COL9A3: variants seen among roughly 807,000 people sequenced by gnomAD.
The protein encoded by COL9A3 is collagen alpha-3(IX) chain.
In COL9A3, 82 loss-of-function variants were observed where a neutral mutation model predicts 110.2. The ratio of observed to expected loss-of-function variants is 0.74; its 90% CI spans 0.62 to 0.89. The LOEUF (loss-of-function observed/expected upper bound fraction) is 0.89, where lower values mean the gene tolerates loss of function less well. COL9A3 is among the 40% of genes least tolerant of loss of function. The pLI, the probability that COL9A3 is intolerant of heterozygous loss-of-function variation, is 0.00. For missense variants in COL9A3, 1,066 were observed against 981.3 expected (o/e 1.09, Z -1.15); for synonymous variants, 494 against 403.8 (o/e 1.22, Z -2.68).
At chr20:62,829,380 G>T in intron 19 of COL9A3, 75 bp from the exon 20 acceptor site, 1 of 1,590,968 alleles carries the variant, frequency 6.3e-7, no homozygotes, top group Non-Finnish European at 8.6e-7. Context: ...CACCCTGCCT[G>T]CGTGCACGCC....
In COL9A3 at chr20:62,840,729, A is replaced by G. The variant is rs370901763; in HGVS notation, c.2052A>G (p.Ser684=). The stretch of plus-strand genomic sequence containing the variant: ...GGGAGAAATCAGGCTCTCGAAGCTC[A>G]TAAAATTCAACGTGAGGAAGCAAGT... The part of the protein sequence containing the change: ...GVGEKSGSRS[S] Residue 684 remains serine (S), a synonymous_variant, in exon 32 of 32, where the codon TCA becomes TCG. Transcript: ENST00000649368. The G allele has an allele frequency of 7.0e-6, 11 of 1,564,648 alleles. No individual in the cohort carries two copies. Among genetic ancestry groups the G allele is most frequent in the Non-Finnish European group, 9.5e-6 (11 of 1,153,644 alleles).
rs148246522 is a variant in COL9A3, at chr20:62,825,844, G to A, written c.658G>A (p.Gly220Ser). ...KGDPGPPGPA[G>S]LPGSVGLQGP... ...TGACCCTGGCCCCCCTGGGCCCGCCGGCCTCCCGGGCAGCGTGGGGCTGCA... is the reference window on the plus strand; with the variant it reads ...TGACCCTGGCCCCCCTGGGCCCGCCAGCCTCCCGGGCAGCGTGGGGCTGCA... The change falls in exon 13 of 32, where the codon GGC (glycine) becomes AGC (serine). Residue 220 changes from glycine (G) to serine (S), a missense_variant. Transcript: ENST00000649368. 53 of 1,558,126 alleles carry A rather than the reference G, an allele frequency of 3.4e-5. No homozygotes were observed. The highest frequency in any genetic ancestry group is 2.4e-4 in the South Asian group (20 of 84,618).
intron 2 of COL9A3, among the ~76,000 whole-genome samples, chr20:62,818,245 G>GC (rs1289818405): frequency 1.3e-5 from 2 of 152,276 alleles, no homozygotes; most frequent in African/African-American, 4.8e-5. Context: ...TGCACCAAGA[G>GC]CCCCCCATGA....
chr20:62,821,354 T>C (rs1457353727), intron 6 of COL9A3, 138 bp downstream of exon 6: 9 of 1,334,678 alleles, frequency 6.7e-6, no homozygotes, highest in Non-Finnish European at 9.5e-6. Flanking sequence ...GGCTGGTGCC[T>C]GGATGGGGTC....
Position 62,821,952 on chromosome 20 carries a change from G to C in COL9A3, c.423+142G>C, listed in dbSNP as rs958808183. On this transcript the variant is annotated intron_variant, in intron 8 of 31. Transcript: ENST00000649368. ...TTGGTGGGTGTTGGTAGAAGCCCTGGCCAATGATCCAGACCCGACCTCAGG... is the reference window on the plus strand; with the variant it reads ...TTGGTGGGTGTTGGTAGAAGCCCTGCCCAATGATCCAGACCCGACCTCAGG... 5.3e-6 allele frequency: 4 copies of C among 752,362 alleles called. No individual in the cohort carries two copies. In the Admixed American group the frequency reaches 8.0e-5, roughly 15 times the overall value. 46.6% of individuals were successfully genotyped at this position (752,362 alleles called of 1,614,324 possible).
Position 62,817,136 on chromosome 20 carries a change from G to T in COL9A3, c.72G>T (p.Gly24=). Residue 24 remains glycine, a synonymous_variant, in exon 1 of 32, where the codon GGG becomes GGT. Transcript: ENST00000649368. ...TCGGGGAGCTTCTGGCGGCCGCCGG[G>T]GCGCAGGTGAGCGCGAGCTCCGGGC... is the stretch of plus-strand genomic sequence containing the variant. ...LLLGELLAAA[G]AQRVGLPGPP... is the part of the protein sequence containing the mutation. The T allele has an allele frequency of 7.2e-7, 1 of 1,396,554 alleles. No individual in the cohort carries two copies. Among genetic ancestry groups the T allele is most frequent in the South Asian group, 1.4e-5 (1 of 70,972 alleles). The allele number at this position is 1,396,554 out of a possible 1,614,324, so 86.5% of individuals were successfully genotyped here. A position where few individuals can be genotyped will look rare whatever the true frequency, so the allele number is the denominator to read the frequency against.
intron 31 of COL9A3, 84 bp from the exon 32 acceptor site, chr20:62,840,458 C>A: frequency 7.9e-7 from 1 of 1,271,236 alleles, no homozygotes; most frequent in Non-Finnish European, 1.1e-6. Context: ...GATGGAAGAG[C>A]AGGGCTTGCC....
At chr20:62,832,067 A>G in intron 24 of COL9A3, 87 bp from the exon 25 acceptor site, 1 of 1,232,688 alleles carries the variant, frequency 8.1e-7, no homozygotes, top group Non-Finnish European at 1.2e-6. Context: ...AGATGTGGGG[A>G]GGTGTTTACC....
intron 26 of COL9A3, among the ~76,000 whole-genome samples, chr20:62,833,630 C>G (rs926830834): frequency 4.6e-5 from 7 of 151,962 alleles, no homozygotes; most frequent in African/African-American, 1.7e-4. Context: ...GTCTCCATCT[C>G]CTGACCTCGT....
At chr20:62,836,378 C>G (rs370472311) in intron 28 of COL9A3, 45 bp downstream of exon 28, 2 of 1,613,960 alleles carry the variant, frequency 1.2e-6, no homozygotes, top group Admixed American at 1.7e-5. Flanking sequence ...GGGTTGAGAT[C>G]GTGTTTTTTC....
chr20:62,828,583 G>A (rs1393918637), intron 17 of COL9A3, among the ~76,000 whole-genome samples, 181 bp from the exon 18 acceptor site: 2 of 152,238 alleles, frequency 1.3e-5, no homozygotes, highest in African/African-American at 2.4e-5. Flanking sequence ...TCACCTGTGC[G>A]GTCACCGAGG....
intron 18 of COL9A3, 32 bp from the exon 19 acceptor site, chr20:62,828,891 C>A (rs1481019156): frequency 6.2e-7 from 1 of 1,612,460 alleles, no homozygotes; most frequent in Non-Finnish European, 8.5e-7. Context: ...GCCTCAGCCT[C>A]CCCTTCCGCA....
intron 26 of COL9A3, 87 bp from the exon 27 acceptor site, chr20:62,835,834 T>G (rs975906305): frequency 2.2e-6 from 3 of 1,339,664 alleles, no homozygotes; most frequent in African/African-American, 1.4e-5. Context: ...GGTGTGTGGA[T>G]GATTTGATTT....
rs753244895 is a variant in COL9A3 at position 62,828,933 on chromosome 20, G to T, written c.965G>T (p.Gly322Val). The T allele has an allele frequency of 3.1e-6, 5 of 1,611,794 alleles. 1 individual carries two copies. In the Admixed American group the frequency reaches 5.0e-5, roughly 16 times the overall value. ...PGLDGQKGEAGRNGAPGEKGP... is the reference protein window; with the variant it reads ...PGLDGQKGEAVRNGAPGEKGP... ...TCTCTGTCCTCACAGGGAGAGGCTG[G>T]TCGCAACGGTGCTCCGGGAGAGAAG... The change falls in exon 19 of 32, where the codon GGT becomes GTT. Residue 322 changes from glycine to valine, a missense_variant. Physicochemically the swap from Gly to Val is moderately radical, Grantham distance 109 (BLOSUM62 -3). Coordinates refer to ENST00000649368, the MANE Select transcript of COL9A3 (RefSeq NM_001853.4).
intron 24 of COL9A3, 29 bp from the exon 25 acceptor site, chr20:62,832,125 C>G: frequency 1.9e-6 from 3 of 1,610,302 alleles, no homozygotes; most frequent in South Asian, 1.1e-5. Context: ...TGCCATTCCT[C>G]TAATCCAGAG....
Position 62,818,456 on chromosome 20 carries a change from G to A in COL9A3, c.148-62G>A, listed in dbSNP as rs1991007498. The A allele has an allele frequency of 5.9e-6, 9 of 1,513,190 alleles. No individual in the cohort carries two copies. In the East Asian group the frequency reaches 9.0e-5, roughly 15 times the overall value. The allele number at this position is 1,513,190 out of a possible 1,614,324, so 93.7% of individuals were successfully genotyped here. On this transcript the variant is annotated intron_variant, in intron 2 of 31. Transcript: ENST00000649368. Reference sequence around the variant, plus strand: ...GGAGGCCAGCGCTGCTCTTTTCCCCGAGGCGGGGTTCTTGAGGGACCCCTG... The same window carrying A: ...GGAGGCCAGCGCTGCTCTTTTCCCCAAGGCGGGGTTCTTGAGGGACCCCTG...
chr20:62,826,747 A>G lies in COL9A3; in HGVS notation c.739-20A>G. ...CAGGCCTCAGACAAGAGGACCCCGG[A>G]TCCCCTCTCTCCTCTGCAGGGTCCC... On this transcript the variant is annotated intron_variant, in intron 14 of 31. Transcript: ENST00000649368. 6.2e-7 allele frequency: 1 copy of G among 1,612,220 alleles called. No individual in the cohort carries two copies. Among genetic ancestry groups the G allele is most frequent in the Non-Finnish European group, 8.5e-7 (1 of 1,179,720 alleles).
rs1310004549 is a variant in COL9A3, at chr20:62,817,425, G to C, written c.79-142G>C. On this transcript the variant is annotated intron_variant, in intron 1 of 31. Transcript: ENST00000649368. ...GGGGACACACTGCGCGGGGGCGCCG[G>C]GCTCCGCCCGAGGCTTTGGGTCTCA... The C allele has an allele frequency of 1.1e-5, 7 of 626,660 alleles. No homozygotes were observed. In the East Asian group the frequency reaches 2.3e-4, roughly 20 times the overall value. The allele number at this position is 626,660 out of a possible 1,614,324, so 38.8% of individuals were successfully genotyped here. A position where few individuals can be genotyped will look rare whatever the true frequency, so the allele number is the denominator to read the frequency against.
chr20:62,823,430 T>G (rs61357165), intron 10 of COL9A3, among the ~76,000 whole-genome samples: 10,240 of 152,298 alleles, frequency 0.067, 586 homozygotes, highest in East Asian at 0.17. Flanking sequence ...GCGCCTTGTT[T>G]CCATAGAGAG....
Sources: allele counts gnomAD v4.1 joint callset (sites outside exome capture counted in the v4.1 genomes callset), GRCh38; gene constraint gnomAD v4.1.1; transcripts MANE v1.5; gene names NCBI Gene and HGNC (gene_info 2026-07-23, HGNC 2026-07-21).